CLIC5: variants seen among roughly 807,000 people sequenced by gnomAD.
The protein encoded by CLIC5 is chloride intracellular channel protein 5.
A neutral mutation model predicts 24.7 loss-of-function variants in CLIC5; 20 were observed. The ratio of observed to expected loss-of-function variants is 0.81; its 90% CI spans 0.57 to 1.18. The LOEUF is 1.18. CLIC5 is among the 50% of genes most tolerant of loss of function. The probability of loss-of-function intolerance (pLI) is 0.00; values close to 1 mark genes in which losing one functional copy is unlikely to be tolerated. For missense variants in CLIC5, 341 were observed against 326.1 expected, an observed-to-expected ratio of 1.05 and a Z score of -0.35; for synonymous variants, 159 against 135.6, an observed-to-expected ratio of 1.17 and a Z score of -1.20.
intron 5 of CLIC5, 97 bp from the exon 6 acceptor site, chr6:45,903,352 A>C: frequency 1.9e-6 from 2 of 1,035,656 alleles, no homozygotes; most frequent in African/African-American, 1.7e-5. Context: ...ACTGCAGGAA[A>C]CCTCCGTGCA....
chr6:46,003,154 A>T (rs1766421020), intron 1 of CLIC5, among the ~76,000 whole-genome samples: 1 of 152,246 alleles, frequency 6.6e-6, no homozygotes, highest in Non-Finnish European at 1.5e-5. Flanking sequence ...TCAAGGAATC[A>T]GCGAAACTAA....
chr6:45,884,391 A>T (rs1482124005), intron 6 of CLIC5, among the ~76,000 whole-genome samples: 2 of 152,152 alleles, frequency 1.3e-5, no homozygotes, highest in African/African-American at 4.8e-5. Context: ...GAGTTATTGA[A>T]ATTGTCTAGG....
downstream of CLIC5, chr6:45,880,934 A>G (rs1762257504): frequency 1.3e-5 from 5 of 389,680 alleles, no homozygotes; most frequent in Non-Finnish European, 2.3e-5. Context: ...AGAGCTAGAC[A>G]TGAACTGCTA....
At chr6:46,088,959 C>T in the CLIC5 span, among the ~76,000 whole-genome samples, 1 of 152,180 alleles carries the variant, frequency 6.6e-6, no homozygotes, top group East Asian at 1.9e-4. Flanking sequence ...GTAATTAATG[C>T]TTGCAGCAGG....
intron 1 of CLIC5, among the ~76,000 whole-genome samples, chr6:45,971,422 A>T (rs560803299): frequency 5.5e-4 from 83 of 152,258 alleles, no homozygotes; most frequent in Middle Eastern, 3.4e-3. Context: ...CCCCCACCAA[A>T]CTATTTCTAC....
At chr6:46,126,472 C>G in the CLIC5 span, among the ~76,000 whole-genome samples, 1 of 152,048 alleles carries the variant, frequency 6.6e-6, no homozygotes, top group South Asian at 2.1e-4. Context: ...CACAATAGTT[C>G]ATGGTGGTTA....
At chr6:45,999,394 G>A (rs952556464) in intron 1 of CLIC5, among the ~76,000 whole-genome samples, 1 of 152,130 alleles carries the variant, frequency 6.6e-6, no homozygotes, top group Non-Finnish European at 1.5e-5. Flanking sequence ...ATACTATGTG[G>A]ATGTGGGTAT....
chr6:46,072,267 C>A (rs1319417245), intron 1 of CLIC5, among the ~76,000 whole-genome samples: 1 of 149,894 alleles, frequency 6.7e-6, no homozygotes, highest in African/African-American at 2.4e-5. Flanking sequence ...ACATGTGGAT[C>A]ATTCCTGTGG....
At chr6:45,961,883 T>C (rs956638073) in intron 1 of CLIC5, among the ~76,000 whole-genome samples, 1 of 152,128 alleles carries the variant, frequency 6.6e-6, no homozygotes. Flanking sequence ...GCTACAGAGA[T>C]CCTCAACATT....
intron 1 of CLIC5, among the ~76,000 whole-genome samples, chr6:46,072,415 G>A (rs143211607): frequency 2.0e-5 from 3 of 152,080 alleles, no homozygotes; most frequent in Admixed American, 6.6e-5. Flanking sequence ...AGGTGAAATC[G>A]ATTGCACTAT....
intron 1 of CLIC5, among the ~76,000 whole-genome samples, chr6:45,993,444 G>A (rs1386948294): frequency 6.6e-6 from 1 of 152,190 alleles, no homozygotes; most frequent in Non-Finnish European, 1.5e-5. Context: ...AAAAAGAGTT[G>A]TAGGAAATGT....
chr6:45,918,818 C>T (rs938411473), intron 4 of CLIC5: 2 of 343,580 alleles, frequency 5.8e-6, no homozygotes, highest in Middle Eastern at 1.4e-3. Flanking sequence ...CACTGAATTC[C>T]CGCAGTGAGC....
chr6:46,112,407 T>C, the CLIC5 span, among the ~76,000 whole-genome samples: 8 of 152,190 alleles, frequency 5.3e-5, no homozygotes, highest in African/African-American at 1.9e-4. Flanking sequence ...CTTTTCCCCC[T>C]TTCATAACCT....
intron 1 of CLIC5, among the ~76,000 whole-genome samples, chr6:46,035,428 G>A (rs1170499610): frequency 2.0e-5 from 3 of 152,194 alleles, no homozygotes; most frequent in Non-Finnish European, 4.4e-5. Flanking sequence ...CCTGGCTATT[G>A]TCCGATGCCT....
chr6:45,945,558 C>A (rs553185431), intron 3 of CLIC5, among the ~76,000 whole-genome samples: 1 of 152,218 alleles, frequency 6.6e-6, no homozygotes, highest in East Asian at 1.9e-4. Context: ...GGAAGAGGGC[C>A]ACCCTACCCT....
At chr6:46,028,570 C>T (rs1409585692) in intron 1 of CLIC5, among the ~76,000 whole-genome samples, 1 of 152,208 alleles carries the variant, frequency 6.6e-6, no homozygotes, top group Non-Finnish European at 1.5e-5. Flanking sequence ...ACATTCCTTT[C>T]TCTTCCAGTA....
intron 1 of CLIC5, among the ~76,000 whole-genome samples, chr6:45,998,316 A>G (rs1766226185): frequency 1.3e-5 from 2 of 152,236 alleles, no homozygotes. Flanking sequence ...CACTGCTCAG[A>G]GGAGCAGCAT....
chr6:46,100,813 C>T, the CLIC5 span, among the ~76,000 whole-genome samples: 1 of 152,118 alleles, frequency 6.6e-6, no homozygotes, highest in Non-Finnish European at 1.5e-5. Context: ...AAAAGGCATA[C>T]AAATTTATTC....
downstream of CLIC5, among the ~76,000 whole-genome samples, chr6:45,897,294 C>A (rs979904367): frequency 6.6e-6 from 1 of 152,252 alleles, no homozygotes; most frequent in East Asian, 1.9e-4. Flanking sequence ...CAATACTGGG[C>A]GGAACTTGGT....
Sources: allele counts gnomAD v4.1 joint callset (sites outside exome capture counted in the v4.1 genomes callset), GRCh38; gene constraint gnomAD v4.1.1; transcripts MANE v1.5; gene names NCBI Gene and HGNC (gene_info 2026-07-23, HGNC 2026-07-21).